ENOX1: variants seen among roughly 807,000 people sequenced by gnomAD.
ENOX1 encodes the protein ecto-NOX disulfide-thiol exchanger 1, also known as candidate growth-related and time keeping constitutive hydroquinone (NADH) oxidase.
In ENOX1, 42 loss-of-function variants were observed where a neutral mutation model predicts 82.5. The observed-to-expected ratio is 0.51, with a 90% confidence interval of 0.40 to 0.66. ENOX1 has a LOEUF of 0.66. Among genes scored for constraint, ENOX1 ranks in the 30% least tolerant of loss-of-function variants. The probability of loss-of-function intolerance (pLI) is 0.00; values close to 1 mark genes in which losing one functional copy is unlikely to be tolerated. For synonymous variants in ENOX1, 271 were observed against 282.2 expected, an observed-to-expected ratio of 0.96 and a Z score of 0.40; for missense variants, 608 against 811.6, an observed-to-expected ratio of 0.75 and a Z score of 3.05.
In ENOX1 at chr13:43,509,746, T is replaced by C. The variant is rs2077296084; in HGVS notation, c.-218-25594A>G. On this transcript the variant is annotated intron_variant, in intron 2 of 16. Coordinates refer to ENST00000690772, the MANE Select transcript of ENOX1 (RefSeq NM_001347969.2). The stretch of plus-strand genomic sequence containing the variant: ...TAAACCAAATGAAGAGGTTTTCCAA[T>C]GTCATTTGACACAGGCAAACATCTG... Among the ~76,000 whole-genome samples the C allele has an allele frequency of 3.9e-5, 6 of 152,096 alleles. No individual in the cohort carries two copies. In the South Asian group the frequency reaches 8.3e-4, roughly 21 times the overall value.
chr13:43,344,892 C>A, intron 8 of ENOX1, 142 bp from the exon 9 acceptor site: 1 of 768,610 alleles, frequency 1.3e-6, no homozygotes, highest in Non-Finnish European at 2.1e-6. Context: ...CTGAGACTGA[C>A]TGCCATATCA....
intron 3 of ENOX1, among the ~76,000 whole-genome samples, chr13:43,418,549 TAA>T (rs1252868184): frequency 6.6e-6 from 1 of 152,096 alleles, no homozygotes; most frequent in Non-Finnish European, 1.5e-5. Context: ...TAAATAAAAA[TAA>T]ATAATACGAT....
At chr13:43,713,093 A>G (rs1049015640) in intron 1 of ENOX1, among the ~76,000 whole-genome samples, 2 of 152,160 alleles carry the variant, frequency 1.3e-5, no homozygotes. Context: ...TCCCATCAGT[A>G]CCTAATTTAT....
chr13:43,287,353 C>T (rs2045753780), intron 12 of ENOX1, among the ~76,000 whole-genome samples: 1 of 152,176 alleles, frequency 6.6e-6, no homozygotes, highest in African/African-American at 2.4e-5. Context: ...TTCATATTTT[C>T]ACCTGGAATA....
In ENOX1 at chr13:43,348,134, CT is replaced by C. The variant is rs1339857046; in HGVS notation, c.824-3385del. ...TGGGTCTCTCCCACTCCTGGTCCCCCTGGTCAGCTGTTATTCTTCCCTCAAG... is the reference window on the plus strand; with the variant it reads ...TGGGTCTCTCCCACTCCTGGTCCCCCGGTCAGCTGTTATTCTTCCCTCAAG... On this transcript the variant is annotated intron_variant, in intron 8 of 16. Transcript: ENST00000690772. Among the ~76,000 whole-genome samples, 8 of 152,232 alleles carry C rather than the reference CT, an allele frequency of 5.3e-5. No homozygotes were observed. The South Asian group carries it at 6.2e-4, about 12-fold the overall frequency.
chr13:43,349,336 A>T (rs923473187), intron 8 of ENOX1, among the ~76,000 whole-genome samples: 1 of 152,250 alleles, frequency 6.6e-6, no homozygotes, highest in African/African-American at 2.4e-5. Flanking sequence ...AGTTTATCAA[A>T]TAACTCAAAA....
chr13:43,367,028 T>C (rs2050894562), intron 5 of ENOX1, among the ~76,000 whole-genome samples: 1 of 152,208 alleles, frequency 6.6e-6, no homozygotes, highest in Admixed American at 6.5e-5. Flanking sequence ...GATTACAAAG[T>C]CTTTCATTTG....
chr13:43,638,162 T>C (rs2083483125), intron 2 of ENOX1, among the ~76,000 whole-genome samples: 3 of 152,146 alleles, frequency 2.0e-5, no homozygotes, highest in Non-Finnish European at 4.4e-5. Context: ...GGCCAAGAAA[T>C]AATGATACAT....
chr13:43,339,332 A>G (rs1489793945), intron 9 of ENOX1, among the ~76,000 whole-genome samples: 2 of 152,234 alleles, frequency 1.3e-5, no homozygotes, highest in African/African-American at 4.8e-5. Context: ...TGAAAGCAAG[A>G]ACAAGTACAC....
intron 1 of ENOX1, among the ~76,000 whole-genome samples, chr13:43,670,307 A>T (rs141179447): frequency 1.4e-4 from 22 of 152,326 alleles, no homozygotes; most frequent in African/African-American, 5.1e-4. Flanking sequence ...TCTTGCATAT[A>T]GTCTTTGAAC....
intron 2 of ENOX1, among the ~76,000 whole-genome samples, chr13:43,507,080 G>A (rs908405710): frequency 2.0e-5 from 3 of 151,782 alleles, no homozygotes; most frequent in African/African-American, 7.3e-5. Flanking sequence ...GAAATAATCA[G>A]ACAATTATCA....
At chr13:43,269,398 G>A (rs1475922818) in intron 13 of ENOX1, 72 bp downstream of exon 13, 1 of 1,152,630 alleles carries the variant, frequency 8.7e-7, no homozygotes, top group East Asian at 2.4e-5. Context: ...GTTTGCACGG[G>A]TGACGCACAA....
At chr13:43,591,592 C>A (rs1162996822) in intron 2 of ENOX1, among the ~76,000 whole-genome samples, 1 of 152,200 alleles carries the variant, frequency 6.6e-6, no homozygotes, top group East Asian at 1.9e-4. Flanking sequence ...AGTGCACACA[C>A]AGGTGTTTTG....
intron 5 of ENOX1, among the ~76,000 whole-genome samples, chr13:43,401,166 T>C (rs893301375): frequency 6.6e-5 from 10 of 152,362 alleles, no homozygotes; most frequent in African/African-American, 2.4e-4. Context: ...ACTCATATCA[T>C]AGCCCCAGAT....
intron 2 of ENOX1, among the ~76,000 whole-genome samples, chr13:43,618,097 G>C (rs1566646855): frequency 6.6e-6 from 1 of 151,950 alleles, no homozygotes; most frequent in East Asian, 1.9e-4. Flanking sequence ...TCTTATTGTT[G>C]AGTTCGTTGT....
At chr13:43,439,074 TGCTTA>T in intron 3 of ENOX1, among the ~76,000 whole-genome samples, 1 of 147,134 alleles carries the variant, frequency 6.8e-6, no homozygotes, top group African/African-American at 2.5e-5. Flanking sequence ...CGGAGTTTCA[TGCTTA>T]TTGCCCAAGC....
At chr13:43,378,398 T>C (rs1026240832) in intron 5 of ENOX1, among the ~76,000 whole-genome samples, 3 of 152,172 alleles carry the variant, frequency 2.0e-5, no homozygotes, top group African/African-American at 7.2e-5. Flanking sequence ...TCCCTGGAGA[T>C]ATAAAGCAAG....
At chr13:43,714,383 A>G (rs1206122664) in intron 1 of ENOX1, among the ~76,000 whole-genome samples, 3 of 152,200 alleles carry the variant, frequency 2.0e-5, no homozygotes, top group Non-Finnish European at 2.9e-5. Context: ...AAAAAAATGT[A>G]TATTCTGTTG....
At chr13:43,772,360 AT>A (rs1951684633) in intron 1 of ENOX1, among the ~76,000 whole-genome samples, 1 of 152,200 alleles carries the variant, frequency 6.6e-6, no homozygotes, top group Non-Finnish European at 1.5e-5. Flanking sequence ...CCCAAAAAGC[AT>A]TCCTCCCACT....
Sources: gnomAD v4.1 joint callset for allele counts (sites outside exome capture counted in the v4.1 genomes callset) on GRCh38, gnomAD v4.1.1 for gene constraint, MANE v1.5 for transcripts, NCBI Gene and HGNC (gene_info 2026-07-23, HGNC 2026-07-21) for gene names.